The following LMX1A variants were observed in gnomAD, a reference collection of about 807,000 sequenced individuals.
LMX1A encodes the protein LIM homeobox transcription factor 1 alpha, also known as LIM homeobox transcription factor 1-alpha.
A neutral mutation model predicts 49.1 loss-of-function variants in LMX1A; 15 were observed. That is an observed-to-expected ratio of 0.31 (90% CI 0.20 to 0.47). LMX1A has a LOEUF of 0.47. Among genes scored for constraint, LMX1A ranks in the 20% least tolerant of loss-of-function variants. LMX1A has a pLI of 1.00. For missense variants in LMX1A, 372 were observed against 475.8 expected (o/e 0.78, Z 2.03); for synonymous variants, 167 against 185.7 (o/e 0.90, Z 0.82).
chr1:165,256,154 T>C (rs1183965853), intron 3 of LMX1A, among the ~76,000 whole-genome samples: 1 of 152,122 alleles, frequency 6.6e-6, no homozygotes, highest in African/African-American at 2.4e-5. Flanking sequence ...CACCAAGCCG[T>C]GGGCGTCTCT....
chr1:165,232,903 A>T (rs1262193250), intron 4 of LMX1A, among the ~76,000 whole-genome samples: 1 of 152,206 alleles, frequency 6.6e-6, no homozygotes, highest in Non-Finnish European at 1.5e-5. Flanking sequence ...GTGAGTCAGG[A>T]AGATGTCCTT....
chr1:165,313,156 A>G (rs1655122562), intron 3 of LMX1A, among the ~76,000 whole-genome samples: 1 of 152,188 alleles, frequency 6.6e-6, no homozygotes. Flanking sequence ...GGATCAGCAT[A>G]ATTTATGGGG....
chr1:165,311,227 G>A (rs529167954), intron 3 of LMX1A, among the ~76,000 whole-genome samples: 1 of 152,270 alleles, frequency 6.6e-6, no homozygotes, highest in South Asian at 2.1e-4. Context: ...TCAAAATAAT[G>A]GGCCCAAAGG....
At chr1:165,205,737 T>A (rs1651046378) in intron 8 of LMX1A, 127 bp downstream of exon 8, 1 of 841,940 alleles carries the variant, frequency 1.2e-6, no homozygotes, top group Non-Finnish European at 1.9e-6. Flanking sequence ...CTGGCAGTAT[T>A]TTGTAGGGCA....
At chr1:165,233,866 AG>A (rs1472943330) in intron 4 of LMX1A, among the ~76,000 whole-genome samples, 1 of 152,200 alleles carries the variant, frequency 6.6e-6, no homozygotes, top group Non-Finnish European at 1.5e-5. Flanking sequence ...GAAGTATTGA[AG>A]GCATAAATGA....
intron 3 of LMX1A, among the ~76,000 whole-genome samples, chr1:165,318,116 A>G (rs1314666071): frequency 6.6e-6 from 1 of 152,250 alleles, no homozygotes; most frequent in Non-Finnish European, 1.5e-5. Flanking sequence ...TTTCAAAAAG[A>G]AATCATTCCT....
intron 3 of LMX1A, among the ~76,000 whole-genome samples, chr1:165,285,851 C>T (rs1654291288): frequency 6.6e-6 from 1 of 152,276 alleles, no homozygotes; most frequent in East Asian, 1.9e-4. Context: ...GGAGGAAGGA[C>T]GGGGGCTATG....
intron 3 of LMX1A, among the ~76,000 whole-genome samples, chr1:165,276,113 C>T (rs1653960525): frequency 6.6e-6 from 1 of 152,048 alleles, no homozygotes; most frequent in Non-Finnish European, 1.5e-5. Context: ...AAGTGTGCCC[C>T]TTCAGAGTGC....
chr1:165,325,001 A>C (rs943421066), intron 3 of LMX1A, among the ~76,000 whole-genome samples: 1 of 152,212 alleles, frequency 6.6e-6, no homozygotes, highest in Non-Finnish European at 1.5e-5. Context: ...AGTCTTCCTT[A>C]TGTGAGCTAA....
At chr1:165,337,376 T>C (rs936152738) in intron 3 of LMX1A, among the ~76,000 whole-genome samples, 4 of 152,188 alleles carry the variant, frequency 2.6e-5, no homozygotes, top group African/African-American at 9.7e-5. Context: ...GATAATAATC[T>C]GCACTCCAAC....
chr1:165,220,987 T>C (rs1651820904), intron 4 of LMX1A, among the ~76,000 whole-genome samples: 1 of 152,162 alleles, frequency 6.6e-6, no homozygotes, highest in African/African-American at 2.4e-5. Context: ...ACTTTATAAT[T>C]GCATTGTTTC....
At chr1:165,309,283 T>C (rs1655007021) in intron 3 of LMX1A, among the ~76,000 whole-genome samples, 1 of 152,162 alleles carries the variant, frequency 6.6e-6, no homozygotes, top group African/African-American at 2.4e-5. Context: ...GATTTCCAAG[T>C]CTTGCTTTCC....
chr1:165,336,977 C>T (rs1655916040), intron 3 of LMX1A, among the ~76,000 whole-genome samples: 1 of 152,080 alleles, frequency 6.6e-6, no homozygotes, highest in South Asian at 2.1e-4. Context: ...AAGTGGGTTG[C>T]AATATTAAAT....
intron 3 of LMX1A, among the ~76,000 whole-genome samples, chr1:165,312,953 G>A (rs1041299170): frequency 2.0e-5 from 3 of 152,180 alleles, no homozygotes; most frequent in Admixed American, 6.5e-5. Flanking sequence ...CAAATATAAA[G>A]GAATTATCTT....
At chr1:165,307,745 T>C (rs979553998) in intron 3 of LMX1A, among the ~76,000 whole-genome samples, 6 of 152,170 alleles carry the variant, frequency 3.9e-5, no homozygotes, top group Middle Eastern at 3.2e-3. Flanking sequence ...TTTTCATCCA[T>C]AGGAGCCTGG....
At chr1:165,304,946 G>A (rs139203065) in intron 3 of LMX1A, among the ~76,000 whole-genome samples, 1 of 152,100 alleles carries the variant, frequency 6.6e-6, no homozygotes, top group Non-Finnish European at 1.5e-5. Context: ...AGCAGGCTGG[G>A]TGCATCTACC....
intron 3 of LMX1A, among the ~76,000 whole-genome samples, chr1:165,336,099 G>A (rs7555637): frequency 0.9 from 136,171 of 152,128 alleles, 61,184 homozygotes; most frequent in Middle Eastern, 0.95. Context: ...TCCCTAAAAC[G>A]TATGTAAAGA....
intron 3 of LMX1A, among the ~76,000 whole-genome samples, chr1:165,322,863 A>G (rs1655463188): frequency 6.6e-6 from 1 of 152,210 alleles, no homozygotes; most frequent in African/African-American, 2.4e-5. Context: ...TAACACCTAG[A>G]CTTTGAAAGC....
intron 3 of LMX1A, among the ~76,000 whole-genome samples, chr1:165,294,888 C>T (rs1373807496): frequency 2.0e-5 from 3 of 152,156 alleles, no homozygotes; most frequent in Non-Finnish European, 2.9e-5. Context: ...CCCTTGAACC[C>T]GGGAGGCAGA....
Sources: gnomAD v4.1 joint callset for allele counts (sites outside exome capture counted in the v4.1 genomes callset) on GRCh38, gnomAD v4.1.1 for gene constraint, MANE v1.5 for transcripts, NCBI Gene and HGNC (gene_info 2026-07-23, HGNC 2026-07-21) for gene names.